RALGPS1: variants seen among roughly 807,000 people sequenced by gnomAD.
RALGPS1 encodes ras-specific guanine nucleotide-releasing factor RalGPS1.
Under a neutral mutation model 78.8 loss-of-function variants are expected in RALGPS1, and 19 were observed. The ratio of observed to expected loss-of-function variants is 0.24; its 90% CI spans 0.17 to 0.35. The LOEUF (loss-of-function observed/expected upper bound fraction) is 0.35. Ranked by LOEUF, RALGPS1 falls within the 10% of genes least tolerant of loss-of-function variation. RALGPS1 has a pLI of 1.00. For synonymous variants in RALGPS1, 228 were observed against 256.3 expected, an observed-to-expected ratio of 0.89 and a Z score of 1.06; for missense variants, 454 against 688.3, an observed-to-expected ratio of 0.66 and a Z score of 3.81.
intron 8 of RALGPS1, among the ~76,000 whole-genome samples, chr9:127,133,040 C>A (rs751879813): frequency 1.5e-4 from 23 of 152,242 alleles, no homozygotes; most frequent in Non-Finnish European, 3.4e-4. Flanking sequence ...TGAAAAAGCA[C>A]CTACTTCATA....
chr9:127,204,508 G>A (rs1363046625), intron 14 of RALGPS1, among the ~76,000 whole-genome samples: 2 of 152,066 alleles, frequency 1.3e-5, no homozygotes, highest in Non-Finnish European at 2.9e-5. Context: ...GTAGGGGGAA[G>A]AAAAGTTTCC....
intron 2 of RALGPS1, 146 bp from the exon 3 acceptor site, chr9:126,965,698 G>A (rs2039416150): frequency 1.6e-6 from 1 of 613,114 alleles, no homozygotes; most frequent in Admixed American, 2.8e-5. Flanking sequence ...CATGGTGCCT[G>A]GACTGGGGTA....
intron 14 of RALGPS1, among the ~76,000 whole-genome samples, chr9:127,207,722 G>C (rs923962788): frequency 6.6e-5 from 10 of 152,072 alleles, no homozygotes; most frequent in Non-Finnish European, 1.5e-5. Flanking sequence ...TGCCCAGCAC[G>C]GTCCTCCTCC....
chr9:127,120,619 C>G (rs1380246126), intron 8 of RALGPS1, among the ~76,000 whole-genome samples: 2 of 152,152 alleles, frequency 1.3e-5, no homozygotes, highest in Non-Finnish European at 2.9e-5. Context: ...GTCAGGAGAT[C>G]GAGACCATCC....
At chr9:127,100,730 T>C (rs917331767) in intron 8 of RALGPS1, among the ~76,000 whole-genome samples, 11 of 152,168 alleles carry the variant, frequency 7.2e-5, no homozygotes, top group Non-Finnish European at 1.3e-4. Context: ...GAAGAACTTA[T>C]CAGACCCATG....
chr9:127,124,860 T>C (rs1441345925), intron 8 of RALGPS1, among the ~76,000 whole-genome samples: 1 of 152,190 alleles, frequency 6.6e-6, no homozygotes, highest in African/African-American at 2.4e-5. Flanking sequence ...TCCTAGGACT[T>C]TCCCACCCTC....
chr9:127,172,537 G>C (rs949096890), intron 10 of RALGPS1, among the ~76,000 whole-genome samples: 1 of 152,166 alleles, frequency 6.6e-6, no homozygotes, highest in Non-Finnish European at 1.5e-5. Context: ...CTCTTCCAGG[G>C]ATTCCAGGAA....
At chr9:126,989,478 G>A (rs2042091956) in intron 4 of RALGPS1, among the ~76,000 whole-genome samples, 1 of 152,194 alleles carries the variant, frequency 6.6e-6, no homozygotes, top group Non-Finnish European at 1.5e-5. Flanking sequence ...AAGACAAGCT[G>A]TGGGCCTGGA....
At chr9:126,952,656 A>AGAGAGTGT (rs1554763340) in intron 1 of RALGPS1, among the ~76,000 whole-genome samples, 63 of 138,914 alleles carry the variant, frequency 4.5e-4, no homozygotes, top group African/African-American at 1.6e-3. Context: ...AGAGAGAGAG[A>AGAGAGTGT]GTGTGTGTGT....
At chr9:127,180,953 G>A (rs1189172335) in intron 11 of RALGPS1, among the ~76,000 whole-genome samples, 1 of 152,262 alleles carries the variant, frequency 6.6e-6, no homozygotes, top group Non-Finnish European at 1.5e-5. Context: ...CCTCCTGACA[G>A]CATGGCAGCC....
rs181470076 is a variant in RALGPS1, at chr9:127,208,049, G to A, written c.1248-4082G>A. 1.6e-4 allele frequency among the ~76,000 whole-genome samples: 25 copies of A among 152,170 alleles called. No individual in the cohort carries two copies. In the East Asian group the frequency reaches 2.7e-3, roughly 17 times the overall value. On this transcript the variant is annotated intron_variant, in intron 14 of 18. Coordinates refer to ENST00000259351, the MANE Select transcript of RALGPS1 (RefSeq NM_014636.3). ...TTCCTCATCTAAAACTGTGAGAACC[G>A]GGCCCCTCTCACAGAGCTGGGCATG...
intron 18 of RALGPS1, among the ~76,000 whole-genome samples, chr9:127,217,982 G>A (rs1233639072): frequency 6.6e-6 from 1 of 152,102 alleles, no homozygotes; most frequent in Non-Finnish European, 1.5e-5. Context: ...TACTGCTAAT[G>A]ACCATTCTTA....
intron 14 of RALGPS1, among the ~76,000 whole-genome samples, chr9:127,201,852 A>G (rs1439541614): frequency 1.3e-5 from 2 of 152,044 alleles, no homozygotes; most frequent in African/African-American, 4.8e-5. Context: ...CTCCTCGGAG[A>G]CCCCACGAGC....
chr9:127,104,785 G>GA (rs1481688251), intron 8 of RALGPS1, among the ~76,000 whole-genome samples: 3 of 152,238 alleles, frequency 2.0e-5, no homozygotes, highest in Admixed American at 2.0e-4. Flanking sequence ...GCTGCTGAGT[G>GA]AAAGGTTTGG....
intron 4 of RALGPS1, among the ~76,000 whole-genome samples, chr9:126,979,394 CA>C (rs773555350): frequency 2.6e-5 from 4 of 152,090 alleles, no homozygotes; most frequent in Non-Finnish European, 4.4e-5. Flanking sequence ...TATTTCTAAT[CA>C]AAAACAACAT....
chr9:127,061,231 G>A (rs1820606732), intron 7 of RALGPS1, among the ~76,000 whole-genome samples: 1 of 152,232 alleles, frequency 6.6e-6, no homozygotes, highest in Admixed American at 6.5e-5. Flanking sequence ...GCTGTGGCCA[G>A]CAGTGCATCT....
intron 8 of RALGPS1, among the ~76,000 whole-genome samples, chr9:127,072,324 C>T (rs571156669): frequency 8.5e-5 from 13 of 152,072 alleles, no homozygotes; most frequent in Non-Finnish European, 1.6e-4. Context: ...GTGATCCTCC[C>T]GCCTCAGCCT....
intron 4 of RALGPS1, among the ~76,000 whole-genome samples, chr9:127,006,645 T>C (rs1388298789): frequency 6.6e-6 from 1 of 152,174 alleles, no homozygotes; most frequent in Non-Finnish European, 1.5e-5. Context: ...CCAACACTAA[T>C]ATAAGGAAGG....
intron 8 of RALGPS1, chr9:127,093,645 A>G: frequency 6.7e-7 from 1 of 1,487,272 alleles, no homozygotes. Context: ...TGTACCTCTG[A>G]GTGGGCTCTT....
Sources: allele counts gnomAD v4.1 joint callset (sites outside exome capture counted in the v4.1 genomes callset), GRCh38; gene constraint gnomAD v4.1.1; transcripts MANE v1.5; gene names NCBI Gene and HGNC (gene_info 2026-07-23, HGNC 2026-07-21).